The following ZNF69 variants were observed in gnomAD, a reference collection of about 807,000 sequenced individuals.
The protein encoded by ZNF69 is ZNF3.
Under a neutral mutation model 50.9 loss-of-function variants are expected in ZNF69, and 47 were observed. That is an observed-to-expected ratio of 0.92 (90% CI 0.73 to 1.18). The LOEUF (loss-of-function observed/expected upper bound fraction) is 1.18, where lower values mean the gene tolerates loss of function less well. Among genes scored for constraint, ZNF69 ranks in the 50% most tolerant of loss-of-function variants. ZNF69 has a pLI of 0.00. For synonymous variants in ZNF69, 216 were observed against 223.1 expected (o/e 0.97, Z 0.29); for missense variants, 717 against 675.1 (o/e 1.06, Z -0.69).
chr19:11,974,109 C>CT, the ZNF69 span, among the ~76,000 whole-genome samples: 404 of 67,934 alleles, frequency 5.9e-3, 1 homozygote, highest in Middle Eastern at 0.013. Flanking sequence ...TTCTTTCTTT[C>CT]TTTCTTTCTT....
the ZNF69 span, among the ~76,000 whole-genome samples, chr19:11,922,208 A>T: frequency 6.6e-6 from 1 of 152,122 alleles, no homozygotes; most frequent in African/African-American, 2.4e-5. Context: ...AAATGTCTGT[A>T]TTTAGCCAGT....
chr19:11,957,097 T>C, the ZNF69 span, among the ~76,000 whole-genome samples: 1 of 151,206 alleles, frequency 6.6e-6, no homozygotes, highest in Non-Finnish European at 1.5e-5. Flanking sequence ...ATAAGTTTTT[T>C]TTTTTTTTTT....
chr19:11,957,079 AG>A, the ZNF69 span, among the ~76,000 whole-genome samples: 5 of 151,290 alleles, frequency 3.3e-5, no homozygotes, highest in Non-Finnish European at 7.4e-5. Flanking sequence ...TGTAGGTTTC[AG>A]TAAGAAATAA....
chr19:11,976,918 T>C, the ZNF69 span: 3 of 1,544,106 alleles, frequency 1.9e-6, no homozygotes, highest in Admixed American at 2.2e-5. Context: ...GAGAAAGGGA[T>C]GTGATGACCA....
downstream of ZNF69, among the ~76,000 whole-genome samples, chr19:11,907,392 A>G (rs1972394444): frequency 6.6e-6 from 1 of 152,230 alleles, no homozygotes; most frequent in African/African-American, 2.4e-5. Context: ...CAAAGTTGAA[A>G]TGAAGGAAAA....
chr19:11,928,892 C>A, the ZNF69 span, among the ~76,000 whole-genome samples: 1 of 147,192 alleles, frequency 6.8e-6, no homozygotes, highest in Non-Finnish European at 1.5e-5. Flanking sequence ...CCAGCCTGGG[C>A]AACATATTGA....
chr19:11,890,316 G>A (rs567973413), intron 1 of ZNF69, among the ~76,000 whole-genome samples: 1 of 152,146 alleles, frequency 6.6e-6, no homozygotes, highest in Non-Finnish European at 1.5e-5. Context: ...GCGGCTTTCC[G>A]CAGTGCACTG....
At chr19:11,954,810 G>A in the ZNF69 span, among the ~76,000 whole-genome samples, 2 of 151,946 alleles carry the variant, frequency 1.3e-5, no homozygotes, top group African/African-American at 4.8e-5. Context: ...AATTGAGTGA[G>A]GGCCTTTGTT....
chr19:11,942,308 A>G, the ZNF69 span, among the ~76,000 whole-genome samples: 1 of 151,890 alleles, frequency 6.6e-6, no homozygotes, highest in Middle Eastern at 3.2e-3. Context: ...CTTTGGGAAC[A>G]GGCATTTTCA....
In ZNF69 at chr19:11,905,951, C is replaced by T. The variant is rs576116194; in HGVS notation, c.1554C>T (p.Ser518=). 354 of 1,614,036 alleles carry T rather than the reference C, an allele frequency of 2.2e-4. No homozygotes were observed. Among genetic ancestry groups the T allele is most frequent in the Middle Eastern group, 4.9e-4 (3 of 6,062 alleles). The stretch of plus-strand genomic sequence containing the variant: ...AATGTGGTGAAGCCTTCAGTAGTTC[C>T]AGTTCCTTTCGATACCATGAAAGGA... The part of the protein sequence containing the change: ...CKQCGEAFSS[S]SSFRYHERTH... Residue 518 remains serine, a synonymous_variant, in exon 4 of 4, where the codon TCC becomes TCT. Transcript: ENST00000429654.
chr19:11,978,901 C>A, the ZNF69 span: 1 of 1,614,018 alleles, frequency 6.2e-7, no homozygotes, highest in Non-Finnish European at 8.5e-7. Flanking sequence ...AGTTACAGAT[C>A]CTATCTTAGA....
At chr19:11,897,001 A>C (rs1373729534) in intron 1 of ZNF69, among the ~76,000 whole-genome samples, 1 of 152,152 alleles carries the variant, frequency 6.6e-6, no homozygotes, top group Non-Finnish European at 1.5e-5. Context: ...TTTGCATAAT[A>C]ATCATTTTAT....
At chr19:11,925,412 T>C in the ZNF69 span, 1 of 1,371,018 alleles carries the variant, frequency 7.3e-7, no homozygotes, top group East Asian at 2.9e-5. Context: ...AGTTCGGCCC[T>C]CGGTCCCCTT....
At chr19:11,901,089 C>T (rs1972234523) in intron 1 of ZNF69, among the ~76,000 whole-genome samples, 1 of 151,914 alleles carries the variant, frequency 6.6e-6, no homozygotes, top group Non-Finnish European at 1.5e-5. Context: ...TAATTTTTTA[C>T]TTTATTATGG....
the ZNF69 span, among the ~76,000 whole-genome samples, chr19:11,942,052 G>A: frequency 1.3e-5 from 2 of 152,138 alleles, no homozygotes; most frequent in Admixed American, 6.6e-5. Flanking sequence ...GCTTAGGAAT[G>A]TCCCCTTTCC....
chr19:11,892,942 C>T (rs181859663), intron 1 of ZNF69, among the ~76,000 whole-genome samples: 1 of 152,174 alleles, frequency 6.6e-6, no homozygotes, highest in East Asian at 1.9e-4. Flanking sequence ...TCAAGTAATT[C>T]TCCTGCTTCA....
At chr19:11,975,739 A>G in the ZNF69 span, among the ~76,000 whole-genome samples, 1 of 152,122 alleles carries the variant, frequency 6.6e-6, no homozygotes, top group African/African-American at 2.4e-5. Flanking sequence ...TATGCTTACT[A>G]CATTTTGTTT....
the ZNF69 span, among the ~76,000 whole-genome samples, chr19:11,953,689 A>C: frequency 6.6e-6 from 1 of 152,188 alleles, no homozygotes; most frequent in Non-Finnish European, 1.5e-5. Context: ...GGGTTTTAAG[A>C]CCCACAATAA....
At chr19:11,941,646 C>A in the ZNF69 span, among the ~76,000 whole-genome samples, 1 of 152,184 alleles carries the variant, frequency 6.6e-6, no homozygotes, top group Non-Finnish European at 1.5e-5. Flanking sequence ...GCAAGCGCCG[C>A]GCGCAGCCCC....
Sources: allele counts gnomAD v4.1 joint callset (sites outside exome capture counted in the v4.1 genomes callset), GRCh38; gene constraint gnomAD v4.1.1; transcripts MANE v1.5; gene names NCBI Gene and HGNC (gene_info 2026-07-23, HGNC 2026-07-21).